RRM2B: variants seen among roughly 807,000 people sequenced by gnomAD.
The protein encoded by RRM2B is ribonucleotide reductase regulatory TP53 inducible subunit M2B.
In RRM2B, 20 loss-of-function variants were observed where a neutral mutation model predicts 45.9. That is an observed-to-expected ratio of 0.44 (90% confidence interval 0.31 to 0.63). The LOEUF (loss-of-function observed/expected upper bound fraction) is 0.63, where lower values mean the gene tolerates loss of function less well. Ranked by LOEUF, RRM2B falls within the 30% of genes least tolerant of loss-of-function variation. The pLI, the probability that RRM2B is intolerant of heterozygous loss-of-function variation, is 0.09. For missense variants in RRM2B, 320 were observed against 414.7 expected, an observed-to-expected ratio of 0.77 and a Z score of 1.98; for synonymous variants, 124 against 132.3, an observed-to-expected ratio of 0.94 and a Z score of 0.43.
At chr8:102,234,211 T>C (rs1472959869) in intron 1 of RRM2B, among the ~76,000 whole-genome samples, 1 of 152,176 alleles carries the variant, frequency 6.6e-6, no homozygotes, top group Non-Finnish European at 1.5e-5. Context: ...TGATGATAAA[T>C]AACTGATCTG....
intron 4 of RRM2B, among the ~76,000 whole-genome samples, chr8:102,224,384 C>T (rs1273859552): frequency 6.6e-6 from 1 of 152,162 alleles, no homozygotes; most frequent in Non-Finnish European, 1.5e-5. Context: ...CTGTGTTAGC[C>T]AGGATGGTCT....
rs369211407 is a variant in RRM2B, at chr8:102,220,433, GAT to G, written c.551-1488_551-1487del. ...TACAAACGTGAATAAAAGAAAAATT[GAT>G]ATTTTAATTTTTGTTAGAGACAGTA... is the stretch of plus-strand genomic sequence containing the variant. On this transcript the variant is annotated intron_variant, in intron 5 of 8. Transcript: ENST00000251810. Among the ~76,000 whole-genome samples the G allele has an allele frequency of 5.7e-4, 86 of 152,204 alleles. 1 individual carries two copies. The South Asian group carries it at 0.017, about 30-fold the overall frequency.
intron 2 of RRM2B, among the ~76,000 whole-genome samples, chr8:102,230,957 C>T (rs1022026393): frequency 6.6e-6 from 1 of 152,138 alleles, no homozygotes; most frequent in African/African-American, 2.4e-5. Flanking sequence ...AGGATTTGTA[C>T]CTAGGCAGTC....
chr8:102,210,928 T>C (rs868109419), intron 8 of RRM2B, among the ~76,000 whole-genome samples: 10 of 152,296 alleles, frequency 6.6e-5, no homozygotes, highest in Middle Eastern at 3.4e-3. Context: ...AGTAATCATA[T>C]TGTCATTTAC....
intron 5 of RRM2B, among the ~76,000 whole-genome samples, chr8:102,220,413 A>G (rs558221762): frequency 6.6e-6 from 1 of 152,316 alleles, no homozygotes; most frequent in East Asian, 1.9e-4. Flanking sequence ...TTAAATACAA[A>G]CGTGAATAAA....
At position 102,218,802 on chromosome 8, in the gene RRM2B, T is replaced by G; in HGVS notation, c.684+12A>C. 6.2e-7 allele frequency: 1 copy of G among 1,600,178 alleles called. No homozygotes were observed. The highest frequency in any genetic ancestry group is 8.6e-7 in the Non-Finnish European group (1 of 1,167,894). On this transcript the variant is annotated intron_variant, in intron 6 of 8. Transcript: ENST00000251810. The stretch of plus-strand genomic sequence containing the variant: ...AATACAAATATAACTAGAAAAACAT[T>G]CCATTCCTTACTTCATCTCTGCTGA...
intron 5 of RRM2B, 64 bp from the exon 6 acceptor site, chr8:102,219,011 A>G: frequency 1.4e-6 from 2 of 1,447,110 alleles, no homozygotes; most frequent in Non-Finnish European, 1.9e-6. Context: ...ATATATATAT[A>G]CACATATATA....
intron 2 of RRM2B, among the ~76,000 whole-genome samples, chr8:102,231,517 C>G (rs553457806): frequency 1.3e-5 from 2 of 152,306 alleles, no homozygotes; most frequent in Non-Finnish European, 2.9e-5. Flanking sequence ...TTCTGCTGAC[C>G]TTGTAAGACT....
intron 6 of RRM2B, among the ~76,000 whole-genome samples, chr8:102,216,033 C>A (rs537643030): frequency 1.9e-4 from 29 of 148,768 alleles, no homozygotes; most frequent in African/African-American, 7.2e-4. Context: ...ATTTATCCTA[C>A]AAATTATTAA....
intron 4 of RRM2B, among the ~76,000 whole-genome samples, 193 bp from the exon 5 acceptor site, chr8:102,224,333 C>A (rs1191724481): frequency 6.6e-6 from 1 of 152,146 alleles, no homozygotes. Flanking sequence ...AGGTGCCCGC[C>A]ACCACGCCCG....
At chr8:102,216,057 A>G (rs1239530520) in intron 6 of RRM2B, among the ~76,000 whole-genome samples, 2 of 151,934 alleles carry the variant, frequency 1.3e-5, no homozygotes, top group African/African-American at 2.4e-5. Flanking sequence ...ATATGAAACT[A>G]TAATAATTAA....
chr8:102,222,355 C>T (rs1408540376), intron 5 of RRM2B, among the ~76,000 whole-genome samples: 4 of 152,152 alleles, frequency 2.6e-5, no homozygotes, highest in Admixed American at 1.3e-4. Flanking sequence ...GGATTACAGG[C>T]GTGAGCCACC....
At chr8:102,210,148 G>A (rs1810611002) in intron 8 of RRM2B, among the ~76,000 whole-genome samples, 1 of 152,170 alleles carries the variant, frequency 6.6e-6, no homozygotes, top group Non-Finnish European at 1.5e-5. Flanking sequence ...TTTTAAATGG[G>A]TGAATTGCAT....
At chr8:102,214,291 T>C (rs1810687565) in intron 6 of RRM2B, 133 bp from the exon 7 acceptor site, 3 of 691,106 alleles carry the variant, frequency 4.3e-6, no homozygotes, top group Non-Finnish European at 2.6e-6. Context: ...GAGGGGTTAA[T>C]AGGACTAGGA....
chr8:102,218,742 A>AAT, intron 6 of RRM2B, 72 bp downstream of exon 6: 3 of 1,268,242 alleles, frequency 2.4e-6, no homozygotes, highest in Non-Finnish European at 3.3e-6. Flanking sequence ...AAAAAAAAAA[A>AAT]GATGGAAAAG....
chr8:102,222,276 T>C (rs1419392583), intron 5 of RRM2B, among the ~76,000 whole-genome samples: 1 of 152,110 alleles, frequency 6.6e-6, no homozygotes, highest in Non-Finnish European at 1.5e-5. Flanking sequence ...GGGGCCTTGC[T>C]TTGTTGCCCA....
intron 2 of RRM2B, among the ~76,000 whole-genome samples, chr8:102,228,435 G>T (rs555297798): frequency 6.6e-6 from 1 of 152,190 alleles, no homozygotes; most frequent in South Asian, 2.1e-4. Flanking sequence ...GAACAAGAGC[G>T]TGGGTGCCAC....
At chr8:102,238,648 G>A (rs1811170363) in intron 1 of RRM2B, 179 bp downstream of exon 1, 2 of 1,534,906 alleles carry the variant, frequency 1.3e-6, no homozygotes, top group African/African-American at 1.4e-5. Context: ...TCCTTCCTCC[G>A]CCCTCCCCGG....
intron 6 of RRM2B, among the ~76,000 whole-genome samples, chr8:102,215,943 T>TAAAAA (rs1810721934): frequency 4.5e-5 from 2 of 44,422 alleles, no homozygotes; most frequent in African/African-American, 1.3e-4. Flanking sequence ...AGACCCTGTC[T>TAAAAA]CAAAAAAAAA....
Sources: allele counts gnomAD v4.1 joint callset (sites outside exome capture counted in the v4.1 genomes callset), GRCh38; gene constraint gnomAD v4.1.1; transcripts MANE v1.5; gene names NCBI Gene and HGNC (gene_info 2026-07-23, HGNC 2026-07-21).